The following SPAG9 variants were observed in gnomAD, a reference collection of about 807,000 sequenced individuals.
SPAG9 encodes the protein sperm associated antigen 9.
A neutral mutation model predicts 166.5 loss-of-function variants in SPAG9; 35 were observed. That is an observed-to-expected ratio of 0.21 (90% CI 0.16 to 0.28). The LOEUF is 0.28. Ranked by LOEUF, SPAG9 falls within the 10% of genes least tolerant of loss-of-function variation. SPAG9 has a pLI of 1.00. For missense variants in SPAG9, 1,235 were observed against 1,603.3 expected (o/e 0.77, Z 3.92); for synonymous variants, 534 against 565.5 (o/e 0.94, Z 0.79).
intron 2 of SPAG9, among the ~76,000 whole-genome samples, chr17:51,057,495 A>T (rs939762766): frequency 1.1e-4 from 16 of 152,210 alleles, no homozygotes; most frequent in Non-Finnish European, 1.8e-4. Flanking sequence ...ACTAGTATGA[A>T]CTAATATTCT....
chr17:50,983,916 G>A (rs553325564), intron 24 of SPAG9, among the ~76,000 whole-genome samples: 2 of 152,200 alleles, frequency 1.3e-5, no homozygotes, highest in African/African-American at 4.8e-5. Flanking sequence ...CAATTTTCAG[G>A]TACCAATCAA....
intron 29 of SPAG9, among the ~76,000 whole-genome samples, chr17:50,966,700 G>A (rs957869726): frequency 6.6e-6 from 1 of 152,152 alleles, no homozygotes; most frequent in African/African-American, 2.4e-5. Flanking sequence ...AAGCTAAGAA[G>A]GCAATTCTGT....
Position 51,012,722 on chromosome 17 carries a change from CTTTA to C in SPAG9, c.1213+1506_1213+1509del, listed in dbSNP as rs142325730. ...TACTTTCAATCTCTCTTACTAGATA[CTTTA>C]TTTATTTATTTATTTATTTATTTAT... On this transcript the variant is annotated intron_variant, in intron 9 of 29. Coordinates refer to ENST00000262013, the MANE Select transcript of SPAG9 (RefSeq NM_001130528.3). 3.3e-3 allele frequency among the ~76,000 whole-genome samples: 476 copies of C among 145,824 alleles called. 1 individual carries two copies. Among genetic ancestry groups the C allele is most frequent in the African/African-American group, 0.011 (414 of 38,526 alleles).
At chr17:51,080,569 A>G (rs2048132691) in intron 1 of SPAG9, among the ~76,000 whole-genome samples, 1 of 152,112 alleles carries the variant, frequency 6.6e-6, no homozygotes, top group African/African-American at 2.4e-5. Flanking sequence ...CCTACTAGAA[A>G]ACTTCAATTG....
chr17:51,090,715 A>G (rs767026213), intron 1 of SPAG9, among the ~76,000 whole-genome samples: 1 of 152,194 alleles, frequency 6.6e-6, no homozygotes, highest in Non-Finnish European at 1.5e-5. Context: ...ATAATTCAAC[A>G]GTCACCTAAT....
intron 1 of SPAG9, among the ~76,000 whole-genome samples, chr17:51,102,839 G>A (rs2048844524): frequency 1.3e-5 from 2 of 152,046 alleles, no homozygotes; most frequent in South Asian, 4.1e-4. Context: ...TAGAGATGGG[G>A]TCTCGCTATG....
intron 12 of SPAG9, among the ~76,000 whole-genome samples, chr17:51,004,485 C>T (rs2045108557): frequency 6.6e-6 from 1 of 152,168 alleles, no homozygotes; most frequent in Admixed American, 6.5e-5. Context: ...CATCTGTAAT[C>T]CCAGCACTTT....
intron 2 of SPAG9, among the ~76,000 whole-genome samples, chr17:51,077,499 C>G (rs2048050852): frequency 6.6e-6 from 1 of 152,084 alleles, no homozygotes; most frequent in South Asian, 2.1e-4. Context: ...CTTTCTTGAA[C>G]AGAAAAGGTT....
At chr17:50,994,563 C>A (rs1039580921) in intron 18 of SPAG9, among the ~76,000 whole-genome samples, 1 of 152,120 alleles carries the variant, frequency 6.6e-6, no homozygotes. Flanking sequence ...CTAGCCTGGT[C>A]AACACAGTGA....
chr17:51,101,927 T>C (rs1393244407), intron 1 of SPAG9, among the ~76,000 whole-genome samples: 1 of 152,128 alleles, frequency 6.6e-6, no homozygotes, highest in East Asian at 1.9e-4. Context: ...GCCTGGCCTA[T>C]ACCATAATAG....
chr17:51,082,395 A>AC (rs2048190340), intron 1 of SPAG9, among the ~76,000 whole-genome samples: 1 of 151,310 alleles, frequency 6.6e-6, no homozygotes, highest in Non-Finnish European at 1.5e-5. Flanking sequence ...AAAAAAAAAA[A>AC]AAAAAAAAAC....
intron 22 of SPAG9, among the ~76,000 whole-genome samples, chr17:50,986,770 C>T (rs1002869759): frequency 2.0e-5 from 3 of 152,170 alleles, no homozygotes; most frequent in African/African-American, 7.2e-5. Context: ...TGTTTTCCTG[C>T]CCACATTCTA....
chr17:51,032,786 T>C, intron 5 of SPAG9, among the ~76,000 whole-genome samples: 1 of 151,916 alleles, frequency 6.6e-6, no homozygotes, highest in East Asian at 1.9e-4. Flanking sequence ...AATACAAAAC[T>C]AGCTGGGCGT....
At chr17:51,106,975 G>A (rs908826239) in intron 1 of SPAG9, among the ~76,000 whole-genome samples, 9 of 151,136 alleles carry the variant, frequency 6.0e-5, no homozygotes, top group African/African-American at 1.9e-4. Context: ...GGCGGTGCAC[G>A]CCTGTAGTCC....
At chr17:51,086,106 C>T (rs192688466) in intron 1 of SPAG9, among the ~76,000 whole-genome samples, 14 of 151,506 alleles carry the variant, frequency 9.2e-5, no homozygotes, top group African/African-American at 2.9e-4. Context: ...GTAGCTGAAT[C>T]ACCATAGCTG....
intron 1 of SPAG9, among the ~76,000 whole-genome samples, chr17:51,096,348 C>T (rs1383162298): frequency 7.4e-6 from 1 of 134,252 alleles, no homozygotes; most frequent in Non-Finnish European, 1.6e-5. Flanking sequence ...GACTCTGTCT[C>T]AAAAAAAAAC....
intron 1 of SPAG9, among the ~76,000 whole-genome samples, chr17:51,092,878 C>G (rs1000395093): frequency 1.3e-5 from 2 of 151,934 alleles, no homozygotes; most frequent in African/African-American, 4.8e-5. Flanking sequence ...TTCTAAGCTG[C>G]AGTGAGCTAT....
intron 1 of SPAG9, among the ~76,000 whole-genome samples, chr17:51,095,961 A>ATAGT (rs1186036916): frequency 2.1e-4 from 17 of 82,762 alleles, no homozygotes; most frequent in African/African-American, 1.2e-3. Context: ...ATATAGTGAT[A>ATAGT]TATATATATA....
rs779733843 is a variant in SPAG9 at position 51,120,535 on chromosome 17, C to G, written c.122G>C (p.Arg41Pro). ...IYREFERLIG[R>P]YDEEVVKELM... ...CTCTTTGACCACCTCCTCGTCATAG[C>G]GCCCGATAAGCCGCTCGAACTCGCG... The change falls in exon 1 of 30, where the codon CGC becomes CCC. Residue 41 changes from arginine (R) to proline (P), a missense_variant. This residue lies in a region of SPAG9 where 83 missense variants were observed against 149.8 expected (regional missense o/e 0.55). Transcript: ENST00000262013. This position sits in a 1 kb window ranked among gnomAD's most constrained non-coding sequence, Gnocchi z 4.7. 1 of 1,613,960 alleles carries G rather than the reference C, an allele frequency of 6.2e-7. No homozygotes were observed. Among genetic ancestry groups the G allele is most frequent in the Non-Finnish European group, 8.5e-7 (1 of 1,179,900 alleles).
Sources: allele counts gnomAD v4.1 joint callset (sites outside exome capture counted in the v4.1 genomes callset), GRCh38; gene constraint gnomAD v4.1.1; regional missense constraint gnomAD v4.1.1; non-coding constraint Gnocchi (gnomAD v3.1); transcripts MANE v1.5; gene names NCBI Gene and HGNC (gene_info 2026-07-23, HGNC 2026-07-21).